The following TUSC3 variants were observed in gnomAD, a reference collection of about 807,000 sequenced individuals.
TUSC3 encodes the protein dolichyl-diphosphooligosaccharide--protein glycosyltransferase subunit TUSC3.
TUSC3 carries 45 observed loss-of-function variants against 44.8 expected under a neutral mutation model. That is an observed-to-expected ratio of 1.00 (90% CI 0.79 to 1.29). TUSC3 has a LOEUF of 1.29. Ranked by LOEUF, TUSC3 falls within the 50% of genes most tolerant of loss-of-function variation. TUSC3 has a pLI of 0.00. For synonymous variants in TUSC3, 212 were observed against 152.9 expected (o/e 1.39, Z -2.85); for missense variants, 519 against 437.9 (o/e 1.19, Z -1.65).
the TUSC3 span, among the ~76,000 whole-genome samples, chr8:15,831,292 A>T: frequency 6.6e-6 from 1 of 152,200 alleles, no homozygotes; most frequent in Non-Finnish European, 1.5e-5. Context: ...AGAAAAGAAA[A>T]AACATCCAAA....
chr8:15,488,044 G>C (rs1322529837), intron 2 of TUSC3, among the ~76,000 whole-genome samples: 1 of 151,684 alleles, frequency 6.6e-6, no homozygotes, highest in East Asian at 1.9e-4. Context: ...CTAAGCATCA[G>C]TTTCATTATC....
chr8:15,678,737 C>T (rs76873129), intron 6 of TUSC3, among the ~76,000 whole-genome samples: 3,404 of 152,196 alleles, frequency 0.022, 121 homozygotes, highest in African/African-American at 0.076. Flanking sequence ...TTACTGAGGC[C>T]ATCACACAGA....
chr8:15,765,799 T>G lies in TUSC3; in HGVS notation c.*1643T>G, dbSNP rs1220739389. On this transcript the variant is annotated 3_prime_UTR_variant, in exon 11 of 11. Transcript: ENST00000503731. ...ATCACTGCCTATCACTAGGCAGAACTTGACCTGTAATTCTTAATCCATTGT... is the reference window on the plus strand; with the variant it reads ...ATCACTGCCTATCACTAGGCAGAACGTGACCTGTAATTCTTAATCCATTGT... The G allele has an allele frequency of 1.3e-5, 2 of 152,076 alleles. No individual in the cohort carries two copies. Among genetic ancestry groups the G allele is most frequent in the Non-Finnish European group, 2.9e-5 (2 of 67,966 alleles). The allele number at this position is 152,076 out of a possible 1,614,324, so 9.4% of individuals were successfully genotyped here. A position where few individuals can be genotyped will look rare whatever the true frequency, so the allele number is the denominator to read the frequency against.
At chr8:15,518,159 C>T (rs571613485) in intron 2 of TUSC3, among the ~76,000 whole-genome samples, 6 of 152,124 alleles carry the variant, frequency 3.9e-5, no homozygotes, top group African/African-American at 7.2e-5. Context: ...TTTCATTTAG[C>T]ACAGTTTTTG....
At chr8:15,844,217 G>C in the TUSC3 span, among the ~76,000 whole-genome samples, 5 of 152,056 alleles carry the variant, frequency 3.3e-5, no homozygotes, top group Non-Finnish European at 7.4e-5. Flanking sequence ...TTCTGTGATT[G>C]TTTGGTTATG....
intron 1 of TUSC3, among the ~76,000 whole-genome samples, chr8:15,469,240 A>G (rs1800453404): frequency 6.6e-6 from 1 of 152,234 alleles, no homozygotes; most frequent in Admixed American, 6.5e-5. Context: ...ACTGACTAGG[A>G]AAAATATTTG....
At chr8:15,809,492 C>A in the TUSC3 span, among the ~76,000 whole-genome samples, 5 of 149,978 alleles carry the variant, frequency 3.3e-5, no homozygotes, top group Non-Finnish European at 7.4e-5. Flanking sequence ...ATTCCAAGAC[C>A]CCCCCTGTAG....
At chr8:15,506,692 C>G (rs371660623) in intron 2 of TUSC3, among the ~76,000 whole-genome samples, 1 of 152,112 alleles carries the variant, frequency 6.6e-6, no homozygotes, top group Non-Finnish European at 1.5e-5. Context: ...TTCACTATCA[C>G]GAGAACAGCG....
At chr8:15,802,536 C>T in the TUSC3 span, among the ~76,000 whole-genome samples, 2 of 152,168 alleles carry the variant, frequency 1.3e-5, no homozygotes, top group Non-Finnish European at 2.9e-5. Flanking sequence ...ATTCTCCTGC[C>T]TCAGCCTCCC....
chr8:15,659,247 T>A (rs1319389976), intron 3 of TUSC3, among the ~76,000 whole-genome samples: 2 of 152,128 alleles, frequency 1.3e-5, no homozygotes, highest in East Asian at 3.9e-4. Flanking sequence ...ACGAAATGAC[T>A]TACAAAATAT....
At chr8:15,796,812 A>C in the TUSC3 span, among the ~76,000 whole-genome samples, 1 of 152,160 alleles carries the variant, frequency 6.6e-6, no homozygotes, top group East Asian at 1.9e-4. Context: ...TCCTTTTGCC[A>C]GCCAAGGCTC....
chr8:15,601,217 T>G (rs899237854), intron 1 of TUSC3, among the ~76,000 whole-genome samples: 8 of 151,732 alleles, frequency 5.3e-5, no homozygotes, highest in African/African-American at 1.9e-4. Context: ...GTATTTGAAT[T>G]TACTTATTAT....
chr8:15,664,770 TA>T (rs1419219676), intron 5 of TUSC3, among the ~76,000 whole-genome samples: 3 of 149,506 alleles, frequency 2.0e-5, no homozygotes, highest in African/African-American at 4.9e-5. Flanking sequence ...TTAAATCATT[TA>T]AAAAATGAGA....
rs968066064 is a variant in TUSC3 at position 15,710,999 on chromosome 8, A to G, written c.799-19667A>G. On this transcript the variant is annotated intron_variant, in intron 6 of 10. Coordinates refer to ENST00000503731, the MANE Select transcript of TUSC3 (RefSeq NM_006765.4). ...AATCTGCCACCCAAGTCACCCCTCA[A>G]GGGTTTCCTGAGTCTTATGTATAGT... 2.0e-5 allele frequency among the ~76,000 whole-genome samples: 3 copies of G among 151,510 alleles called. No homozygotes were observed. In the Admixed American group the frequency reaches 2.0e-4, roughly 10 times the overall value.
At chr8:15,566,277 G>A (rs1802667855) in intron 1 of TUSC3, among the ~76,000 whole-genome samples, 1 of 152,108 alleles carries the variant, frequency 6.6e-6, no homozygotes, top group South Asian at 2.1e-4. Flanking sequence ...ATAAGATGCA[G>A]CAGTTTTATT....
intron 2 of TUSC3, among the ~76,000 whole-genome samples, chr8:15,511,737 G>A (rs1483775947): frequency 6.6e-6 from 1 of 152,100 alleles, no homozygotes; most frequent in Non-Finnish European, 1.5e-5. Context: ...GGGCGTGGTG[G>A]TGGGTGCCTA....
At chr8:15,471,907 C>G (rs889502942) in intron 1 of TUSC3, among the ~76,000 whole-genome samples, 1 of 152,070 alleles carries the variant, frequency 6.6e-6, no homozygotes, top group African/African-American at 2.4e-5. Context: ...CATGAGCTGC[C>G]ACACCTGGCC....
At chr8:15,564,963 T>C (rs1184056429) in intron 1 of TUSC3, among the ~76,000 whole-genome samples, 1 of 152,164 alleles carries the variant, frequency 6.6e-6, no homozygotes, top group Non-Finnish European at 1.5e-5. Context: ...ATATGAGGTT[T>C]GAAGCATTGT....
intron 1 of TUSC3, among the ~76,000 whole-genome samples, chr8:15,427,571 G>A (rs1022106122): frequency 3.3e-5 from 5 of 152,184 alleles, no homozygotes; most frequent in South Asian, 2.1e-4. Flanking sequence ...CTCTCAAGTC[G>A]CCTGGTTGGC....
Sources: gnomAD v4.1 joint callset for allele counts (sites outside exome capture counted in the v4.1 genomes callset) on GRCh38, gnomAD v4.1.1 for gene constraint, MANE v1.5 for transcripts, NCBI Gene and HGNC (gene_info 2026-07-23, HGNC 2026-07-21) for gene names.